THADA: variants seen among roughly 807,000 people sequenced by gnomAD.
THADA encodes THADA armadillo repeat containing, also known as tRNA (32-2'-O)-methyltransferase regulator THADA.
In THADA, 213 loss-of-function variants were observed where a neutral mutation model predicts 219.8. That is an observed-to-expected ratio of 0.97 (90% confidence interval 0.87 to 1.09). The LOEUF is 1.09. Among genes scored for constraint, THADA ranks in the 50% least tolerant of loss-of-function variants. The pLI, the probability that THADA is intolerant of heterozygous loss-of-function variation, is 0.00. For missense variants in THADA, 2,956 were observed against 2,311.3 expected (o/e 1.28, Z -5.72); for synonymous variants, 1,018 against 828.9 (o/e 1.23, Z -3.92).
chr2:43,593,532 T>A (rs1180362698), intron 1 of THADA, among the ~76,000 whole-genome samples: 2 of 151,710 alleles, frequency 1.3e-5, no homozygotes, highest in Non-Finnish European at 2.9e-5. Context: ...TAACCAAAGG[T>A]GTTTGGCCTG....
chr2:43,507,616 A>G (rs1183992189), intron 23 of THADA, among the ~76,000 whole-genome samples: 1 of 152,170 alleles, frequency 6.6e-6, no homozygotes, highest in Non-Finnish European at 1.5e-5. Flanking sequence ...TCATAAAGGG[A>G]TTTTAGGAAT....
intron 26 of THADA, among the ~76,000 whole-genome samples, chr2:43,431,643 T>C (rs963337422): frequency 6.0e-5 from 1 of 16,552 alleles, no homozygotes; most frequent in South Asian, 2.3e-3. Context: ...TTTTTTGTAC[T>C]TTTTTTTTTT....
In THADA at chr2:43,574,545, C is replaced by G. The variant is rs1559001962; in HGVS notation, c.1520G>C (p.Ser507Thr). Residue 507 changes from serine to threonine, a missense_variant, in exon 11 of 38, where the codon AGT becomes ACT. Physicochemically the swap from Ser to Thr is moderately conservative, Grantham distance 58. Coordinates refer to ENST00000405975, the MANE Select transcript of THADA (RefSeq NM_022065.5). ...CTCAGCAGTCTGGGATTTCAAATGA[C>G]TCTTATGATTTCTAAACATGGTTTC... ...LLETMFRNHK[S>T]HLKSQTAESS... 1 of 1,614,006 alleles carries G rather than the reference C, an allele frequency of 6.2e-7. No individual in the cohort carries two copies. Among genetic ancestry groups the G allele is most frequent in the East Asian group, 2.2e-5 (1 of 44,886 alleles).
At chr2:43,567,317 T>C (rs953041204) in intron 14 of THADA, among the ~76,000 whole-genome samples, 14 of 152,106 alleles carry the variant, frequency 9.2e-5, no homozygotes, top group African/African-American at 3.4e-4. Flanking sequence ...TAATTATAAG[T>C]AAAACAGGAT....
At chr2:43,591,013 T>A in intron 3 of THADA, 59 bp from the exon 4 acceptor site, 1 of 1,509,042 alleles carries the variant, frequency 6.6e-7, no homozygotes. Flanking sequence ...AGTAACATGG[T>A]TACAGATACT....
intron 26 of THADA, among the ~76,000 whole-genome samples, chr2:43,438,160 G>T (rs1009060880): frequency 4.0e-5 from 6 of 151,872 alleles, no homozygotes; most frequent in Non-Finnish European, 7.4e-5. Flanking sequence ...AAATTAGCCG[G>T]GCAAGGTGGC....
At chr2:43,417,761 T>C (rs986649128) in intron 28 of THADA, among the ~76,000 whole-genome samples, 2 of 152,182 alleles carry the variant, frequency 1.3e-5, no homozygotes, top group Non-Finnish European at 2.9e-5. Flanking sequence ...GCTAACAGCA[T>C]GGGTTCTAGA....
intron 35 of THADA, among the ~76,000 whole-genome samples, chr2:43,283,633 G>C (rs1316446084): frequency 6.6e-6 from 1 of 152,226 alleles, no homozygotes; most frequent in African/African-American, 2.4e-5. Context: ...CTAGAGATCT[G>C]TGGAACTTTG....
intron 31 of THADA, among the ~76,000 whole-genome samples, chr2:43,296,435 C>G (rs768243099): frequency 1.2e-4 from 18 of 151,984 alleles, no homozygotes; most frequent in Non-Finnish European, 2.4e-4. Flanking sequence ...GCCACCACAC[C>G]CAGCTAATTT....
intron 31 of THADA, among the ~76,000 whole-genome samples, chr2:43,305,621 C>G (rs1676766802): frequency 6.6e-6 from 1 of 152,160 alleles, no homozygotes. Context: ...ACTCTAAAGA[C>G]TATCCTGGCA....
chr2:43,518,018 G>C (rs915831466), intron 22 of THADA, among the ~76,000 whole-genome samples: 2 of 152,114 alleles, frequency 1.3e-5, no homozygotes, highest in Non-Finnish European at 2.9e-5. Context: ...TATTACTTTA[G>C]TCTAGTAGGA....
intron 1 of THADA, among the ~76,000 whole-genome samples, chr2:43,593,519 A>T (rs1468353941): frequency 2.6e-5 from 4 of 152,232 alleles, no homozygotes; most frequent in Admixed American, 6.5e-5. Context: ...AGAACAGCTC[A>T]GTTAACCAAA....
intron 22 of THADA, among the ~76,000 whole-genome samples, chr2:43,525,240 C>T (rs1693014621): frequency 6.6e-6 from 1 of 152,182 alleles, no homozygotes; most frequent in South Asian, 2.1e-4. Context: ...CCCTAGTAAC[C>T]TCTACTATTC....
At chr2:43,235,600 C>CT (rs1296279036) in intron 36 of THADA, among the ~76,000 whole-genome samples, 2 of 152,046 alleles carry the variant, frequency 1.3e-5, no homozygotes, top group Admixed American at 6.6e-5. Context: ...CCTCCCACCA[C>CT]TTTTTTTATG....
chr2:43,360,853 C>G (rs1458886384), intron 29 of THADA, among the ~76,000 whole-genome samples: 3 of 152,188 alleles, frequency 2.0e-5, no homozygotes, highest in Non-Finnish European at 4.4e-5. Context: ...AGTGGGACAA[C>G]AGGATATTTC....
chr2:43,434,685 A>G (rs1165140847), intron 26 of THADA, among the ~76,000 whole-genome samples: 1 of 152,132 alleles, frequency 6.6e-6, no homozygotes, highest in Admixed American at 6.5e-5. Context: ...GCGGAAAACC[A>G]TCTCCCTTCT....
chr2:43,460,371 G>GT (rs1683488801), intron 26 of THADA, among the ~76,000 whole-genome samples: 1 of 151,626 alleles, frequency 6.6e-6, no homozygotes, highest in Admixed American at 6.6e-5. Context: ...GCTCCAGACT[G>GT]TGACTGTAAC....
At chr2:43,488,867 T>C (rs1316163743) in intron 25 of THADA, among the ~76,000 whole-genome samples, 1 of 152,206 alleles carries the variant, frequency 6.6e-6, no homozygotes, top group East Asian at 1.9e-4. Flanking sequence ...ATGCATTTTA[T>C]TTTAGTGGGC....
intron 7 of THADA, among the ~76,000 whole-genome samples, chr2:43,586,004 C>A (rs546158231): frequency 6.6e-6 from 1 of 152,136 alleles, no homozygotes; most frequent in African/African-American, 2.4e-5. Flanking sequence ...GTGACTAACG[C>A]CTGTAATCTC....
Sources: gnomAD v4.1 joint callset for allele counts (sites outside exome capture counted in the v4.1 genomes callset) on GRCh38, gnomAD v4.1.1 for gene constraint, MANE v1.5 for transcripts, NCBI Gene and HGNC (gene_info 2026-07-23, HGNC 2026-07-21) for gene names.